CTNND2: variants seen among roughly 807,000 people sequenced by gnomAD.
CTNND2 encodes catenin delta 2, also known as catenin delta-2.
In CTNND2, 22 loss-of-function variants were observed where a neutral mutation model predicts 144.4. That is an observed-to-expected ratio of 0.15 (90% CI 0.11 to 0.22). CTNND2 has a LOEUF of 0.22. CTNND2 is among the 10% of genes least tolerant of loss of function. The probability of loss-of-function intolerance (pLI) is 1.00; values close to 1 mark genes in which losing one functional copy is unlikely to be tolerated. For missense variants in CTNND2, 1,353 were observed against 1,618.8 expected (o/e 0.84, Z 2.82); for synonymous variants, 751 against 695.6 (o/e 1.08, Z -1.25).
At chr5:11,110,600 C>T (rs1752865757) in intron 14 of CTNND2, among the ~76,000 whole-genome samples, 2 of 152,136 alleles carry the variant, frequency 1.3e-5, no homozygotes. Context: ...GGTGGAATGT[C>T]AGAGCTTGCT....
chr5:11,266,293 C>A (rs750973203), intron 9 of CTNND2, among the ~76,000 whole-genome samples: 1 of 152,136 alleles, frequency 6.6e-6, no homozygotes. Flanking sequence ...CAAAATCACA[C>A]TGGGCCAATG....
chr5:11,444,320 A>G (rs1226695494), intron 3 of CTNND2, among the ~76,000 whole-genome samples: 1 of 152,226 alleles, frequency 6.6e-6, no homozygotes, highest in Non-Finnish European at 1.5e-5. Flanking sequence ...TAACAAAAAC[A>G]TGAATTAGCT....
intron 1 of CTNND2, among the ~76,000 whole-genome samples, chr5:11,799,526 T>C (rs1791567755): frequency 6.6e-6 from 1 of 152,200 alleles, no homozygotes; most frequent in Non-Finnish European, 1.5e-5. Context: ...CTCCCTGTTT[T>C]TATCTGTTAC....
intron 11 of CTNND2, 93 bp from the exon 12 acceptor site, chr5:11,159,852 G>T: frequency 9.7e-7 from 1 of 1,026,954 alleles, no homozygotes; most frequent in Non-Finnish European, 1.4e-6. Flanking sequence ...GGAACTGGCA[G>T]GAAGGATGAA....
chr5:11,463,353 G>A (rs566760229), intron 3 of CTNND2, among the ~76,000 whole-genome samples: 2 of 152,278 alleles, frequency 1.3e-5, no homozygotes, highest in African/African-American at 4.8e-5. Flanking sequence ...TTCTTTGAGT[G>A]CTTTGGATTT....
intron 1 of CTNND2, among the ~76,000 whole-genome samples, chr5:11,801,347 G>A (rs1269906028): frequency 6.6e-6 from 1 of 152,206 alleles, no homozygotes; most frequent in East Asian, 1.9e-4. Flanking sequence ...GCATCCGACT[G>A]ATGATACAGT....
chr5:11,768,517 C>T (rs1789730332), intron 1 of CTNND2, among the ~76,000 whole-genome samples: 1 of 152,162 alleles, frequency 6.6e-6, no homozygotes, highest in Non-Finnish European at 1.5e-5. Flanking sequence ...CCTTAAACTC[C>T]TAACCCCATG....
At chr5:11,483,471 T>C (rs1768481218) in intron 3 of CTNND2, among the ~76,000 whole-genome samples, 2 of 152,180 alleles carry the variant, frequency 1.3e-5, no homozygotes, top group Admixed American at 6.5e-5. Flanking sequence ...AAAGAACAGA[T>C]GACATTTAAA....
intron 3 of CTNND2, among the ~76,000 whole-genome samples, chr5:11,477,404 T>TTTTCG (rs1554067115): frequency 2.0e-5 from 3 of 151,248 alleles, no homozygotes; most frequent in African/African-American, 7.3e-5. Flanking sequence ...GGTGGTGTTG[T>TTTTCG]TTTTGTTTTG....
intron 12 of CTNND2, among the ~76,000 whole-genome samples, chr5:11,118,933 T>C (rs1375996859): frequency 6.6e-6 from 1 of 152,190 alleles, no homozygotes; most frequent in African/African-American, 2.4e-5. Context: ...AATGAGATTT[T>C]GAGGAATCAA....
intron 3 of CTNND2, among the ~76,000 whole-genome samples, chr5:11,479,479 T>C (rs534870834): frequency 6.6e-6 from 1 of 152,362 alleles, no homozygotes; most frequent in Non-Finnish European, 1.5e-5. Flanking sequence ...TGTATCTTTA[T>C]GATAGAACAA....
At chr5:11,460,945 A>G (rs1766160598) in intron 3 of CTNND2, among the ~76,000 whole-genome samples, 1 of 151,970 alleles carries the variant, frequency 6.6e-6, no homozygotes, top group African/African-American at 2.4e-5. Context: ...GCTACTTGGG[A>G]GGCTGAGGCA....
At chr5:11,659,695 G>A (rs1783088251) in intron 2 of CTNND2, among the ~76,000 whole-genome samples, 1 of 152,088 alleles carries the variant, frequency 6.6e-6, no homozygotes, top group South Asian at 2.1e-4. Flanking sequence ...TATGATCAGG[G>A]CCACTGTTTC....
chr5:11,759,289 T>C (rs1030284883), intron 1 of CTNND2, among the ~76,000 whole-genome samples: 1 of 152,038 alleles, frequency 6.6e-6, no homozygotes, highest in Admixed American at 6.6e-5. Flanking sequence ...CAAAAATTGT[T>C]TTATGTTTAA....
At chr5:11,644,627 T>G (rs1214596999) in intron 2 of CTNND2, among the ~76,000 whole-genome samples, 1 of 145,576 alleles carries the variant, frequency 6.9e-6, no homozygotes, top group Non-Finnish European at 1.5e-5. Context: ...TGAGCCAAGA[T>G]CACGCCACTG....
chr5:11,039,401 C>G (rs952259634), intron 16 of CTNND2, among the ~76,000 whole-genome samples: 2 of 152,180 alleles, frequency 1.3e-5, no homozygotes, highest in Middle Eastern at 3.2e-3. Context: ...CTTTTTCTTT[C>G]TGTCTTCCTT....
chr5:11,396,655 A>C (rs1760170173), intron 6 of CTNND2, among the ~76,000 whole-genome samples: 1 of 152,232 alleles, frequency 6.6e-6, no homozygotes, highest in East Asian at 1.9e-4. Context: ...TTTTTAGGAG[A>C]CACAATACTC....
chr5:11,379,046 G>T (rs1462323242), intron 7 of CTNND2, among the ~76,000 whole-genome samples: 1 of 152,082 alleles, frequency 6.6e-6, no homozygotes, highest in Non-Finnish European at 1.5e-5. Flanking sequence ...AGCTTCTGAT[G>T]TTTGACTCAA....
chr5:11,197,178 A>G (rs1294059017), intron 11 of CTNND2, among the ~76,000 whole-genome samples: 1 of 152,230 alleles, frequency 6.6e-6, no homozygotes, highest in Non-Finnish European at 1.5e-5. Flanking sequence ...TTTTCTAAAG[A>G]ATCCATGATG....
Sources: gnomAD v4.1 joint callset for allele counts (sites outside exome capture counted in the v4.1 genomes callset) on GRCh38, gnomAD v4.1.1 for gene constraint, MANE v1.5 for transcripts, NCBI Gene and HGNC (gene_info 2026-07-23, HGNC 2026-07-21) for gene names.